The following CSMD1 variants were observed in gnomAD, a reference collection of about 807,000 sequenced individuals.
CSMD1 encodes CUB and sushi domain-containing protein 1.
In CSMD1, 213 loss-of-function variants were observed where a neutral mutation model predicts 417.5. That is an observed-to-expected ratio of 0.51 (90% confidence interval 0.46 to 0.57). The LOEUF is 0.57. Ranked by LOEUF, CSMD1 falls within the 20% of genes least tolerant of loss-of-function variation. The probability of loss-of-function intolerance (pLI) is 0.00; values close to 1 mark genes in which losing one functional copy is unlikely to be tolerated. For missense variants in CSMD1, 6,923 were observed against 4,529.7 expected, an observed-to-expected ratio of 1.53 and a Z score of -15.17; for synonymous variants, 2,862 against 1,736.8, an observed-to-expected ratio of 1.65 and a Z score of -16.11.
intron 3 of CSMD1, among the ~76,000 whole-genome samples, chr8:4,320,944 G>T (rs928705522): frequency 6.6e-6 from 1 of 152,060 alleles, no homozygotes; most frequent in Non-Finnish European, 1.5e-5. Flanking sequence ...CCCAGTGTGA[G>T]GTCCTAGCCA....
At chr8:3,698,061 A>T (rs1008151617) in intron 7 of CSMD1, among the ~76,000 whole-genome samples, 1 of 152,138 alleles carries the variant, frequency 6.6e-6, no homozygotes, top group Non-Finnish European at 1.5e-5. Flanking sequence ...CTGTTTATTT[A>T]AAAAATTATA....
intron 12 of CSMD1, among the ~76,000 whole-genome samples, chr8:3,455,382 G>C (rs1563055343): frequency 6.6e-6 from 1 of 152,200 alleles, no homozygotes; most frequent in African/African-American, 2.4e-5. Context: ...GAGGAGGAGA[G>C]GCACTCTGAT....
At chr8:2,976,390 G>C (rs1052659506) in intron 55 of CSMD1, among the ~76,000 whole-genome samples, 1 of 152,104 alleles carries the variant, frequency 6.6e-6, no homozygotes, top group African/African-American at 2.4e-5. Flanking sequence ...TAGAGATGGG[G>C]ATTTGTTTGC....
chr8:3,512,975 T>A (rs1263085685), intron 10 of CSMD1, among the ~76,000 whole-genome samples: 2 of 152,010 alleles, frequency 1.3e-5, no homozygotes, highest in Non-Finnish European at 2.9e-5. Context: ...TAGAAAGAAG[T>A]CTCCGTCCCT....
At chr8:4,260,152 A>C (rs1035884698) in intron 3 of CSMD1, among the ~76,000 whole-genome samples, 2 of 152,198 alleles carry the variant, frequency 1.3e-5, no homozygotes, top group Non-Finnish European at 2.9e-5. Flanking sequence ...ACAGTGGCTA[A>C]GTCCCATCAG....
In CSMD1 at chr8:3,312,689, G is replaced by A. The variant is rs186415029; in HGVS notation, c.3632-4186C>T. Among the ~76,000 whole-genome samples, 5 of 152,226 alleles carry A rather than the reference G, an allele frequency of 3.3e-5. No individual in the cohort carries two copies. The South Asian group carries it at 8.3e-4, about 25-fold the overall frequency. ...CCTAGAAATCTGAAGCTTCTACTTCGTGTCACTTGCGCCGTGAACCAGCTT... is the reference window on the plus strand; with the variant it reads ...CCTAGAAATCTGAAGCTTCTACTTCATGTCACTTGCGCCGTGAACCAGCTT... On this transcript the variant is annotated intron_variant, in intron 23 of 69. Coordinates refer to ENST00000635120, the MANE Select transcript of CSMD1 (RefSeq NM_033225.6).
chr8:4,648,976 C>G (rs1003135260), intron 1 of CSMD1, among the ~76,000 whole-genome samples: 1 of 152,192 alleles, frequency 6.6e-6, no homozygotes, highest in Admixed American at 6.5e-5. Context: ...TCCTAGGGCC[C>G]TGGAGTAGTG....
chr8:4,033,951 G>A (rs1202028802), intron 3 of CSMD1, among the ~76,000 whole-genome samples: 1 of 152,136 alleles, frequency 6.6e-6, no homozygotes, highest in Non-Finnish European at 1.5e-5. Context: ...CAGTAAATTA[G>A]CTGCTATTTA....
chr8:3,270,666 A>G (rs1801778899), intron 26 of CSMD1, among the ~76,000 whole-genome samples: 1 of 152,206 alleles, frequency 6.6e-6, no homozygotes, highest in East Asian at 1.9e-4. Context: ...AGTATCAAGT[A>G]CTTCTGATAA....
At chr8:3,803,935 T>C (rs1425522756) in intron 5 of CSMD1, among the ~76,000 whole-genome samples, 7 of 152,094 alleles carry the variant, frequency 4.6e-5, no homozygotes, top group Non-Finnish European at 1.0e-4. Context: ...TTTCTCTTTT[T>C]TTCTTTTTTT....
chr8:4,901,278 T>G (rs1029899460), intron 1 of CSMD1, among the ~76,000 whole-genome samples: 7 of 152,182 alleles, frequency 4.6e-5, no homozygotes, highest in Non-Finnish European at 7.3e-5. Flanking sequence ...AAAACTACAT[T>G]GTTAAGTTTG....
intron 5 of CSMD1, among the ~76,000 whole-genome samples, chr8:3,765,680 G>A (rs916257470): frequency 5.3e-5 from 8 of 152,224 alleles, no homozygotes; most frequent in Non-Finnish European, 8.8e-5. Context: ...TGCTGCTCTT[G>A]TCCTCTCATG....
At chr8:4,092,715 ATT>A (rs1036688092) in intron 3 of CSMD1, among the ~76,000 whole-genome samples, 3 of 152,128 alleles carry the variant, frequency 2.0e-5, no homozygotes, top group African/African-American at 7.2e-5. Flanking sequence ...TTTTGAAATA[ATT>A]TTGACAACTT....
chr8:3,004,459 C>T (rs1009719343), intron 52 of CSMD1, among the ~76,000 whole-genome samples: 2 of 152,104 alleles, frequency 1.3e-5, no homozygotes, highest in South Asian at 2.1e-4. Context: ...CAATCTTCTG[C>T]GTGAATTTAT....
intron 7 of CSMD1, among the ~76,000 whole-genome samples, chr8:3,653,572 G>T (rs1271412538): frequency 1.3e-5 from 2 of 152,194 alleles, no homozygotes; most frequent in Non-Finnish European, 2.9e-5. Flanking sequence ...GCCTCCCAAA[G>T]TGCTGGGATT....
At chr8:4,301,097 T>C (rs1048905533) in intron 3 of CSMD1, among the ~76,000 whole-genome samples, 3 of 152,156 alleles carry the variant, frequency 2.0e-5, no homozygotes, top group Non-Finnish European at 4.4e-5. Context: ...TGAGTTCCCA[T>C]TGAAACTCTT....
chr8:3,426,592 T>C (rs1451692498), intron 12 of CSMD1, among the ~76,000 whole-genome samples: 2 of 152,182 alleles, frequency 1.3e-5, no homozygotes, highest in Admixed American at 6.5e-5. Flanking sequence ...ATATAATTTT[T>C]TATTTATGTT....
At chr8:3,663,728 G>T (rs1470581374) in intron 7 of CSMD1, among the ~76,000 whole-genome samples, 1 of 151,972 alleles carries the variant, frequency 6.6e-6, no homozygotes, top group Non-Finnish European at 1.5e-5. Flanking sequence ...CCTTTGCTTT[G>T]AGTTGTCCTG....
intron 5 of CSMD1, among the ~76,000 whole-genome samples, chr8:3,830,136 C>A (rs1361157004): frequency 6.6e-6 from 1 of 152,144 alleles, no homozygotes; most frequent in Non-Finnish European, 1.5e-5. Flanking sequence ...TCTCTGATAT[C>A]ATTTCATACT....
Sources: allele counts gnomAD v4.1 joint callset (sites outside exome capture counted in the v4.1 genomes callset), GRCh38; gene constraint gnomAD v4.1.1; transcripts MANE v1.5; gene names NCBI Gene and HGNC (gene_info 2026-07-23, HGNC 2026-07-21).